Variants in BTBD2 observed in about 807,000 individuals in gnomAD.
BTBD2 encodes BTB/POZ domain-containing protein 2.
A neutral mutation model predicts 44.0 loss-of-function variants in BTBD2; 15 were observed. That is an observed-to-expected ratio of 0.34 (90% CI 0.23 to 0.53). The LOEUF (loss-of-function observed/expected upper bound fraction) is 0.53, where lower values mean the gene tolerates loss of function less well. Among genes scored for constraint, BTBD2 ranks in the 20% least tolerant of loss-of-function variants. The probability of loss-of-function intolerance (pLI) is 0.95; values close to 1 mark genes in which losing one functional copy is unlikely to be tolerated. For synonymous variants in BTBD2, 443 were observed against 335.9 expected (o/e 1.32, Z -3.49); for missense variants, 657 against 746.4 (o/e 0.88, Z 1.39).
chr19:1,993,324 C>A (rs1599350891), intron 2 of BTBD2, 148 bp from the exon 3 acceptor site: 2 of 1,219,376 alleles, frequency 1.6e-6, no homozygotes, highest in Non-Finnish European at 2.2e-6. Flanking sequence ...CCCCGAGGAA[C>A]CTTCCAGAAT....
chr19:1,997,886 GTTCATTCACTCATTCATTCACATA>G (rs2016272608), intron 1 of BTBD2, among the ~76,000 whole-genome samples: 1 of 152,116 alleles, frequency 6.6e-6, no homozygotes, highest in Non-Finnish European at 1.5e-5. Context: ...TCACACAGGC[GTTCATTCACTCATTCATTCACATA>G]TTCATTCATT....
chr19:2,006,011 C>G (rs1237091893), intron 1 of BTBD2, among the ~76,000 whole-genome samples: 1 of 151,558 alleles, frequency 6.6e-6, no homozygotes, highest in Non-Finnish European at 1.5e-5. Context: ...CTGTTTGAGC[C>G]CAGAAGCTGG....
chr19:1,989,605 C>A (rs926142194), intron 5 of BTBD2: 3 of 293,774 alleles, frequency 1.0e-5, no homozygotes, highest in Non-Finnish European at 2.0e-5. Flanking sequence ...AACCCAGGCC[C>A]TGCAGCAGGG....
intron 1 of BTBD2, among the ~76,000 whole-genome samples, chr19:1,999,983 A>G (rs2016307718): frequency 6.6e-6 from 1 of 151,812 alleles, no homozygotes; most frequent in African/African-American, 2.4e-5. Context: ...AAAAAAAAAA[A>G]AAGAAAAAGA....
Position 1,990,815 on chromosome 19 carries a change from A to G in BTBD2, c.692T>C (p.Leu231Pro), listed in dbSNP as rs2145622708. Residue 231 changes from leucine to proline, a missense_variant, in exon 4 of 9, where the codon CTC (leucine) becomes CCC (proline). Physicochemically the swap from Leu to Pro is moderately conservative, Grantham distance 98. Coordinates refer to ENST00000255608, the MANE Select transcript of BTBD2 (RefSeq NM_017797.4). ...GCTGGCCAGCTGCGGTTCATCGAAG[A>G]GTCGCGCCTGGCAAGAGACATCGAC... Reference protein sequence around the residue: ...NAFMLLTQARLFDEPQLASLC... With the variant: ...NAFMLLTQARPFDEPQLASLC... 6.4e-7 allele frequency: 1 copy of G among 1,569,630 alleles called. No individual in the cohort carries two copies. Among genetic ancestry groups the G allele is most frequent in the African/African-American group, 1.4e-5 (1 of 73,772 alleles).
chr19:1,990,937 G>A (rs1302603120), intron 3 of BTBD2, 115 bp from the exon 4 acceptor site: 22 of 927,246 alleles, frequency 2.4e-5, no homozygotes, highest in African/African-American at 9.8e-5. Context: ...CTTCCTGAGC[G>A]TGGCCAGGAG....
intron 2 of BTBD2, among the ~76,000 whole-genome samples, chr19:1,995,849 G>C (rs955303842): frequency 6.6e-6 from 1 of 151,524 alleles, no homozygotes; most frequent in African/African-American, 2.4e-5. Context: ...TAGAGACGAG[G>C]TTTCACCATG....
chr19:1,986,270 T>A lies in BTBD2; in HGVS notation c.*218A>T. 4 of 577,828 alleles carry A rather than the reference T, an allele frequency of 6.9e-6. No homozygotes were observed. Among genetic ancestry groups the A allele is most frequent in the Middle Eastern group, 5.0e-4 (1 of 2,018 alleles). The allele number at this position is 577,828 out of a possible 1,614,324, so 35.8% of individuals were successfully genotyped here. A position where few individuals can be genotyped will look rare whatever the true frequency, so the allele number is the denominator to read the frequency against. ...GATTGTCTCCACAGGGCCTGGCCAC[T>A]GGCCTGGCCACCTCCCCGGCTGCCC... On this transcript the variant is annotated 3_prime_UTR_variant, in exon 9 of 9. Coordinates refer to ENST00000255608, the MANE Select transcript of BTBD2 (RefSeq NM_017797.4).
chr19:2,003,095 T>A, intron 1 of BTBD2: 1 of 151,652 alleles, frequency 6.6e-6, no homozygotes, highest in Non-Finnish European at 1.5e-5. Flanking sequence ...GGCAGGAGGA[T>A]CGTTTTAGCC....
intron 1 of BTBD2, chr19:2,002,486 T>A (rs2016341902): frequency 6.6e-6 from 1 of 152,262 alleles, no homozygotes; most frequent in African/African-American, 2.4e-5. Flanking sequence ...GACTCGCCCC[T>A]GCAACAGGCA....
At chr19:2,005,295 C>T (rs748875028) in intron 1 of BTBD2, among the ~76,000 whole-genome samples, 10 of 151,966 alleles carry the variant, frequency 6.6e-5, no homozygotes, top group African/African-American at 1.7e-4. Flanking sequence ...ATAAATGCCT[C>T]GGAGTGGAAT....
intron 3 of BTBD2, 66 bp downstream of exon 3, chr19:1,992,936 CGCCTCCAGCCTCGGTCCG>C: frequency 4.7e-6 from 4 of 852,802 alleles, no homozygotes; most frequent in Non-Finnish European, 6.2e-6. Flanking sequence ...GCCCCGCCTC[CGCCTCCAGCCTCGGTCCG>C]CCCCACCCCG....
At chr19:1,992,839 C>G (rs894012930) in intron 3 of BTBD2, among the ~76,000 whole-genome samples, 181 bp downstream of exon 3, 1 of 151,808 alleles carries the variant, frequency 6.6e-6, no homozygotes, top group Non-Finnish European at 1.5e-5. Flanking sequence ...CCCAAAGTGC[C>G]GGGATTACAG....
chr19:1,990,939 G>GGCCAGGAGCC lies in BTBD2; in HGVS notation c.685-127_685-118dup, dbSNP rs1330546181. ...TGACCACACGGGCCTTCCTGAGCGTGGCCAGGAGCCACCAGGGTCTCAGCC... is the reference window on the plus strand; with the variant it reads ...TGACCACACGGGCCTTCCTGAGCGTGGCCAGGAGCCGCCAGGAGCCACCAGGGTCTCAGCC... On this transcript the variant is annotated intron_variant, in intron 3 of 8. Transcript: ENST00000255608. 53 of 924,632 alleles carry GGCCAGGAGCC rather than the reference G, an allele frequency of 5.7e-5. No individual in the cohort carries two copies. In the African/African-American group the frequency reaches 8.0e-4, roughly 14 times the overall value. 57.3% of individuals were successfully genotyped at this position (924,632 alleles called of 1,614,324 possible). A position where few individuals can be genotyped will look rare whatever the true frequency, so the allele number is the denominator to read the frequency against.
chr19:1,995,279 CTTTTT>C (rs71174402), intron 2 of BTBD2, among the ~76,000 whole-genome samples: 1,522 of 122,664 alleles, frequency 0.012, 31 homozygotes, highest in African/African-American at 0.041. Context: ...ACTTTGGATT[CTTTTT>C]TTTTTTTTTT....
chr19:2,014,904 G>A (rs975799136), intron 1 of BTBD2, among the ~76,000 whole-genome samples: 1 of 151,576 alleles, frequency 6.6e-6, no homozygotes, highest in East Asian at 1.9e-4. Context: ...GGGGTGCAGA[G>A]GCCCAGAGTG....
At chr19:2,004,978 C>G (rs1431667439) in intron 1 of BTBD2, among the ~76,000 whole-genome samples, 1 of 151,902 alleles carries the variant, frequency 6.6e-6, no homozygotes, top group Non-Finnish European at 1.5e-5. Context: ...CACCACCACG[C>G]CCGGCTAATT....
Position 1,986,326 on chromosome 19 carries a change from A to G in BTBD2, c.*162T>C. On this transcript the variant is annotated 3_prime_UTR_variant, in exon 9 of 9. Coordinates refer to ENST00000255608, the MANE Select transcript of BTBD2 (RefSeq NM_017797.4). The stretch of plus-strand genomic sequence containing the variant: ...CAGCAGCCACACTCGTGGTGAACAC[A>G]GGGCAACCCCGTCCTGATGCTGAGA... 2.2e-6 allele frequency: 2 copies of G among 912,786 alleles called. No homozygotes were observed. The highest frequency in any genetic ancestry group is 3.2e-5 in the South Asian group (2 of 61,812). The allele number at this position is 912,786 out of a possible 1,614,324, so 56.5% of individuals were successfully genotyped here.
At chr19:2,000,201 G>C (rs537527041) in intron 1 of BTBD2, among the ~76,000 whole-genome samples, 1 of 152,224 alleles carries the variant, frequency 6.6e-6, no homozygotes, top group East Asian at 1.9e-4. Context: ...GACCCCCCCA[G>C]TGTGTGGGCA....
Sources: gnomAD v4.1 joint callset for allele counts (sites outside exome capture counted in the v4.1 genomes callset) on GRCh38, gnomAD v4.1.1 for gene constraint, MANE v1.5 for transcripts, NCBI Gene and HGNC (gene_info 2026-07-23, HGNC 2026-07-21) for gene names.